The following GPR161 variants were observed in gnomAD, a reference collection of about 807,000 sequenced individuals.
GPR161 encodes the protein G-protein coupled receptor RE2.
Under a neutral mutation model 39.2 loss-of-function variants are expected in GPR161, and 25 were observed. The observed-to-expected ratio is 0.64, with a 90% CI of 0.47 to 0.89. GPR161 has a LOEUF of 0.89. GPR161 is among the 40% of genes least tolerant of loss of function. GPR161 has a pLI of 0.00. For missense variants in GPR161, 547 were observed against 677.8 expected, an observed-to-expected ratio of 0.81 and a Z score of 2.14; for synonymous variants, 286 against 276.6, an observed-to-expected ratio of 1.03 and a Z score of -0.34.
intron 1 of GPR161, 43 bp from the exon 2 acceptor site, chr1:168,104,937 C>A: frequency 6.8e-7 from 1 of 1,465,556 alleles, no homozygotes; most frequent in Non-Finnish European, 9.4e-7. Flanking sequence ...AAAGATTCAT[C>A]AAATCACATC....
chr1:168,107,619 C>G (rs896626665), intron 1 of GPR161, among the ~76,000 whole-genome samples: 1 of 152,184 alleles, frequency 6.6e-6, no homozygotes, highest in African/African-American at 2.4e-5. Context: ...AATTCCTTTT[C>G]TTTACAAATT....
chr1:168,113,344 G>A (rs1572340015), intron 1 of GPR161, among the ~76,000 whole-genome samples: 1 of 152,122 alleles, frequency 6.6e-6, no homozygotes, highest in East Asian at 1.9e-4. Flanking sequence ...AATTATCCCT[G>A]AGAAAGACAG....
intron 1 of GPR161, among the ~76,000 whole-genome samples, chr1:168,115,583 C>T (rs1462904401): frequency 6.6e-6 from 1 of 152,096 alleles, no homozygotes; most frequent in African/African-American, 2.4e-5. Context: ...GAAAGTGAGA[C>T]CTCCCCCATC....
chr1:168,087,496 G>A, intron 5 of GPR161, 89 bp downstream of exon 5: 2 of 1,480,486 alleles, frequency 1.4e-6, no homozygotes, highest in Non-Finnish European at 1.9e-6. Flanking sequence ...ATATATTCCG[G>A]GATGGGAGCC....
chr1:168,131,576 C>G (rs1353368688), intron 1 of GPR161, among the ~76,000 whole-genome samples: 1 of 151,470 alleles, frequency 6.6e-6, no homozygotes, highest in Non-Finnish European at 1.5e-5. Flanking sequence ...AAAGGAAAAG[C>G]AGAAATTTAA....
intron 1 of GPR161, 154 bp from the exon 2 acceptor site, chr1:168,105,048 A>G: frequency 1.6e-6 from 1 of 606,126 alleles, no homozygotes; most frequent in East Asian, 2.8e-5. Context: ...CGTAAGCGCT[A>G]CATAAGTGGG....
chr1:168,136,983 C>G, upstream of GPR161: 1 of 908,488 alleles, frequency 1.1e-6, no homozygotes, highest in Non-Finnish European at 1.3e-6. Context: ...GGCCGGGCCC[C>G]TCCGGCCCCC....
Position 168,129,087 on chromosome 1 carries a change from T to C in GPR161, c.-45+7652A>G, listed in dbSNP as rs1698800822. On this transcript the variant is annotated intron_variant, in intron 1 of 5. Transcript: ENST00000682931. ...ACAGTAAACAAATAAATTTAAAAAA[T>C]AGGAAACAATTCTGGGTAGTAGGTA... Among the ~76,000 whole-genome samples the C allele has an allele frequency of 2.6e-5, 4 of 152,082 alleles. No homozygotes were observed. In the South Asian group the frequency reaches 6.2e-4, roughly 24 times the overall value.
chr1:168,085,814 A>G lies in GPR161; in HGVS notation c.1325-18T>C, dbSNP rs1229137158. ...GGCAGCTTCTGAGGGAGAAGGCAGA[A>G]AAAAAAGTCAGCTGAGGAGCCAGGC... On this transcript the variant is annotated intron_variant, in intron 5 of 5. Coordinates refer to ENST00000682931, the MANE Select transcript of GPR161 (RefSeq NM_001375883.1). 2 of 1,601,292 alleles carry G rather than the reference A, an allele frequency of 1.2e-6. No homozygotes were observed. Among genetic ancestry groups the G allele is most frequent in the South Asian group, 2.2e-5 (2 of 90,364 alleles).
At position 168,105,198 on chromosome 1, in the gene GPR161, T is replaced by A. The variant is rs140818322; in HGVS notation, c.-44-304A>T. Among the ~76,000 whole-genome samples the A allele has an allele frequency of 2.2e-4, 34 of 152,236 alleles. No individual in the cohort carries two copies. In the East Asian group the frequency reaches 4.8e-3, roughly 22 times the overall value. ...CTGAAGAATCGTCTGAAGTGCCAGT[T>A]TAGAAAGCTGATCCTTGAGCTCCAC... is the stretch of plus-strand genomic sequence containing the variant. On this transcript the variant is annotated intron_variant, in intron 1 of 5. Transcript: ENST00000682931.
chr1:168,130,262 G>A (rs1698888778), intron 1 of GPR161, among the ~76,000 whole-genome samples: 1 of 152,172 alleles, frequency 6.6e-6, no homozygotes, highest in Non-Finnish European at 1.5e-5. Context: ...CCACATCCAT[G>A]TGGCTTCATG....
chr1:168,125,147 C>A (rs974667375), intron 1 of GPR161, among the ~76,000 whole-genome samples: 1 of 152,196 alleles, frequency 6.6e-6, no homozygotes, highest in African/African-American at 2.4e-5. Flanking sequence ...TAAAAGTATA[C>A]TTATCTGCAG....
chr1:168,101,488 A>G (rs1188177531), intron 2 of GPR161, among the ~76,000 whole-genome samples: 2 of 152,182 alleles, frequency 1.3e-5, no homozygotes, highest in Non-Finnish European at 2.9e-5. Flanking sequence ...ACCCTGAGCT[A>G]CGCTAGCTGG....
intron 1 of GPR161, among the ~76,000 whole-genome samples, chr1:168,115,790 T>TTTTGAGACGGAG (rs1235192268): frequency 1.3e-5 from 2 of 151,990 alleles, no homozygotes; most frequent in African/African-American, 2.4e-5. Flanking sequence ...TTTTTTTTTT[T>TTTTGAGACGGAG]TTTGAGACGG....
intron 5 of GPR161, among the ~76,000 whole-genome samples, chr1:168,086,134 C>G (rs1694473028): frequency 6.6e-6 from 1 of 152,216 alleles, no homozygotes; most frequent in African/African-American, 2.4e-5. Flanking sequence ...TTGATAAATA[C>G]TTTCTACTAA....
chr1:168,097,869 C>G (rs1447473345), intron 2 of GPR161, among the ~76,000 whole-genome samples: 1 of 152,150 alleles, frequency 6.6e-6, no homozygotes, highest in African/African-American at 2.4e-5. Context: ...CAGGGAAAGG[C>G]TAAATAACAC....
chr1:168,113,136 G>A (rs1697360175), intron 1 of GPR161, among the ~76,000 whole-genome samples: 1 of 152,096 alleles, frequency 6.6e-6, no homozygotes. Flanking sequence ...CTTACCCAGG[G>A]CCCAACAAGC....
chr1:168,137,314 C>G, upstream of GPR161: 1 of 1,532,408 alleles, frequency 6.5e-7, no homozygotes, highest in South Asian at 1.2e-5. Context: ...CAGATTCTTC[C>G]CGCAGGCTCC....
intron 1 of GPR161, among the ~76,000 whole-genome samples, chr1:168,107,277 T>C (rs997907681): frequency 6.6e-6 from 1 of 152,182 alleles, no homozygotes; most frequent in Admixed American, 6.5e-5. Context: ...AAGACTATTA[T>C]GGTTTGAATG....
Sources: gnomAD v4.1 joint callset for allele counts (sites outside exome capture counted in the v4.1 genomes callset) on GRCh38, gnomAD v4.1.1 for gene constraint, MANE v1.5 for transcripts, NCBI Gene and HGNC (gene_info 2026-07-23, HGNC 2026-07-21) for gene names.